PSD3: variants seen among roughly 807,000 people sequenced by gnomAD.
PSD3 encodes the protein pleckstrin and Sec7 domain containing 3.
PSD3 carries 49 observed loss-of-function variants against 105.5 expected under a neutral mutation model. The observed-to-expected ratio is 0.46, with a 90% CI of 0.37 to 0.59. The LOEUF is 0.59. Ranked by LOEUF, PSD3 falls within the 20% of genes least tolerant of loss-of-function variation. PSD3 has a pLI of 0.00. For synonymous variants in PSD3, 557 were observed against 457.8 expected (o/e 1.22, Z -2.77); for missense variants, 1,561 against 1,263.8 (o/e 1.24, Z -3.57).
rs1799759939 is a variant in PSD3 at position 18,534,619 on chromosome 8, T to C, written c.*1124A>G. On this transcript the variant is annotated 3_prime_UTR_variant, in exon 16 of 16. Coordinates refer to ENST00000327040, the MANE Select transcript of PSD3 (RefSeq NM_015310.4). ...AGAAGATTCCTCAGTTTTCCAACCA[T>C]AATTCATTCTGACTACTACTTTCAG... 6.6e-6 allele frequency: 1 copy of C among 152,210 alleles called. No individual in the cohort carries two copies. Among genetic ancestry groups the C allele is most frequent in the African/African-American group, 2.4e-5 (1 of 41,454 alleles). The allele number at this position is 152,210 out of a possible 1,614,324, so 9.4% of individuals were successfully genotyped here. A position where few individuals can be genotyped will look rare whatever the true frequency, so the allele number is the denominator to read the frequency against.
chr8:18,928,104 T>C (rs1400789226), intron 2 of PSD3, among the ~76,000 whole-genome samples: 7 of 152,116 alleles, frequency 4.6e-5, no homozygotes, highest in African/African-American at 1.4e-4. Flanking sequence ...CCCAAATGTA[T>C]GGTTTGGCTG....
At position 18,842,990 on chromosome 8, in the gene PSD3, T is replaced by C. The variant is rs560103635; in HGVS notation, c.1634+24684A>G. On this transcript the variant is annotated intron_variant, in intron 4 of 15. Coordinates refer to ENST00000327040, the MANE Select transcript of PSD3 (RefSeq NM_015310.4). ...TCATTCTTTTATAAAGATAAATTCA[T>C]TTTCCATGTTATTTTTTCCACAGTC... 2.6e-5 allele frequency among the ~76,000 whole-genome samples: 4 copies of C among 152,322 alleles called. No individual in the cohort carries two copies. The South Asian group carries it at 6.2e-4, about 24-fold the overall frequency.
intron 9 of PSD3, among the ~76,000 whole-genome samples, chr8:18,721,808 T>C (rs1007201767): frequency 2.0e-5 from 3 of 152,136 alleles, no homozygotes; most frequent in Admixed American, 6.5e-5. Flanking sequence ...TAAAGAATCA[T>C]AGTAAGTATT....
At chr8:18,634,798 G>C (rs925189029) in intron 10 of PSD3, among the ~76,000 whole-genome samples, 1 of 152,094 alleles carries the variant, frequency 6.6e-6, no homozygotes, top group African/African-American at 2.4e-5. Flanking sequence ...GGGGATACAA[G>C]TTTTATTACT....
Position 18,575,104 on chromosome 8 carries a change from CAAAT to C in PSD3, c.2639+20_2639+23del. On this transcript the variant is annotated intron_variant, in intron 13 of 15. Transcript: ENST00000327040. Reference sequence around the variant, plus strand: ...TGCTAAGTGAACTAAAACACAAAATCAAATAAAAACCAACAAAACATACTGAGTT... The same window carrying C: ...TGCTAAGTGAACTAAAACACAAAATCAAAAACCAACAAAACATACTGAGTT... 1 of 1,603,904 alleles carries C rather than the reference CAAAT, an allele frequency of 6.2e-7. No individual in the cohort carries two copies. The highest frequency in any genetic ancestry group is 8.5e-7 in the Non-Finnish European group (1 of 1,175,324).
chr8:18,857,213 T>C (rs768179166), intron 4 of PSD3, among the ~76,000 whole-genome samples: 6 of 152,340 alleles, frequency 3.9e-5, no homozygotes, highest in South Asian at 4.1e-4. Flanking sequence ...GAACGGGGAC[T>C]GGCTCAACTT....
At position 19,007,157 on chromosome 8, in the gene PSD3, G is replaced by C. The variant is rs550789717; in HGVS notation, c.21+6406C>G. On this transcript the variant is annotated intron_variant, in intron 1 of 15. Transcript: ENST00000327040. ...CAGTCCCAGCTCCTCTGGAGGCTGAGGCAGGAGAATCGCTTGAGCCCGAGG... is the reference window on the plus strand; with the variant it reads ...CAGTCCCAGCTCCTCTGGAGGCTGACGCAGGAGAATCGCTTGAGCCCGAGG... Among the ~76,000 whole-genome samples the C allele has an allele frequency of 3.3e-5, 5 of 152,110 alleles. No homozygotes were observed. The East Asian group carries it at 7.7e-4, about 24-fold the overall frequency.
At chr8:18,793,091 C>T (rs556323081) in intron 8 of PSD3, among the ~76,000 whole-genome samples, 13 of 152,172 alleles carry the variant, frequency 8.5e-5, no homozygotes, top group South Asian at 6.2e-4. Flanking sequence ...AACCAAACAC[C>T]GCATGTTCTC....
At chr8:18,859,333 A>G (rs1020960553) in intron 4 of PSD3, among the ~76,000 whole-genome samples, 1 of 149,414 alleles carries the variant, frequency 6.7e-6, no homozygotes, top group African/African-American at 2.5e-5. Flanking sequence ...TTGTAGTTCC[A>G]TTCCTAGAGC....
chr8:19,084,405 GC>G lies in PSD3; in HGVS notation c.124del (p.Ala42LeufsTer15). On this transcript the variant is annotated frameshift_variant, in exon 1 of 2. Transcript: ENST00000521475. LOFTEE classifies it high-confidence loss of function. ...TCCATCTGCAGCGTGGACCAGGACA[GC>G]CCTTGGAGGGGAGCATCCCAAGGCA... 2 of 456,278 alleles carry G rather than the reference GC, an allele frequency of 4.4e-6. No homozygotes were observed. Among genetic ancestry groups the G allele is most frequent in the Non-Finnish European group, 8.8e-6 (2 of 226,952 alleles). The allele number at this position is 456,278 out of a possible 1,614,324, so 28.3% of individuals were successfully genotyped here.
intron 1 of PSD3, among the ~76,000 whole-genome samples, chr8:19,025,474 T>C (rs1468210704): frequency 6.6e-6 from 1 of 152,192 alleles, no homozygotes; most frequent in African/African-American, 2.4e-5. Flanking sequence ...TTCTGACTCG[T>C]CCTTGAGTTT....
intron 1 of PSD3, among the ~76,000 whole-genome samples, chr8:19,045,413 A>C (rs1828281910): frequency 6.6e-6 from 1 of 152,216 alleles, no homozygotes; most frequent in African/African-American, 2.4e-5. Flanking sequence ...ATTTAACAAA[A>C]GTGTTAAGGG....
chr8:18,913,032 A>T lies in PSD3; in HGVS notation c.130+23002T>A, dbSNP rs545559640. ...TAATTTCAATAATTGTGTGATCATT[A>T]AAAAAAAAATCTGGTTTAATCTAAA... On this transcript the variant is annotated intron_variant, in intron 2 of 15. Transcript: ENST00000327040. Among the ~76,000 whole-genome samples the T allele has an allele frequency of 7.4e-5, 11 of 148,036 alleles. 1 individual carries two copies. The South Asian group carries it at 2.3e-3, about 32-fold the overall frequency.
At chr8:18,886,554 T>C (rs983858890) in intron 2 of PSD3, among the ~76,000 whole-genome samples, 23 of 152,038 alleles carry the variant, frequency 1.5e-4, no homozygotes, top group Admixed American at 9.2e-4. Flanking sequence ...TTAAAAGAAA[T>C]AGATATATAA....
Position 19,029,640 on chromosome 8 carries a change from T to C in PSD3, c.324+54566A>G, listed in dbSNP as rs9694423. On this transcript the variant is annotated intron_variant, in intron 1 of 1. Coordinates refer to the PSD3 transcript ENST00000521475. ...AACAGCATGAGGGTGAACATCTCCA[T>C]GACTAAATTACCTCCCAATGGGTTC... Among the ~76,000 whole-genome samples, 1,272 of 152,276 alleles carry C rather than the reference T, an allele frequency of 8.4e-3. 14 individuals carry two copies. The highest frequency in any genetic ancestry group is 0.028 in the African/African-American group (1,165 of 41,568).
intron 9 of PSD3, among the ~76,000 whole-genome samples, chr8:18,678,964 T>A (rs1186860347): frequency 6.6e-6 from 1 of 152,180 alleles, no homozygotes; most frequent in Non-Finnish European, 1.5e-5. Flanking sequence ...TCTATTCAGC[T>A]AAAGGATGAA....
At chr8:18,910,630 AGT>A (rs2129463781) in intron 2 of PSD3, among the ~76,000 whole-genome samples, 2 of 103,544 alleles carry the variant, frequency 1.9e-5, no homozygotes, top group African/African-American at 8.8e-5. Flanking sequence ...TAAAACTTAG[AGT>A]ATAATAAAAA....
intron 10 of PSD3, among the ~76,000 whole-genome samples, chr8:18,653,870 A>G (rs557928721): frequency 6.6e-6 from 1 of 152,222 alleles, no homozygotes; most frequent in South Asian, 2.1e-4. Context: ...TCTTGCCCAG[A>G]GTGAATATGA....
At chr8:18,922,818 G>T (rs541728658) in intron 2 of PSD3, among the ~76,000 whole-genome samples, 1 of 152,128 alleles carries the variant, frequency 6.6e-6, no homozygotes, top group Non-Finnish European at 1.5e-5. Context: ...TCTGATAAAG[G>T]CTGTTACAAA....
Sources: allele counts gnomAD v4.1 joint callset (sites outside exome capture counted in the v4.1 genomes callset), GRCh38; gene constraint gnomAD v4.1.1; transcripts MANE v1.5; gene names NCBI Gene and HGNC (gene_info 2026-07-23, HGNC 2026-07-21).